Variants in SNAP47 observed in about 807,000 individuals in gnomAD.
SNAP47 encodes synaptosome associated protein 47, also known as synaptosomal-associated protein 47.
A neutral mutation model predicts 31.4 loss-of-function variants in SNAP47; 20 were observed. The observed-to-expected ratio is 0.64, with a 90% CI of 0.45 to 0.93. The LOEUF (loss-of-function observed/expected upper bound fraction) is 0.93, where lower values mean the gene tolerates loss of function less well. Ranked by LOEUF, SNAP47 falls within the 40% of genes least tolerant of loss-of-function variation. The pLI is 0.00. For synonymous variants in SNAP47, 194 were observed against 213.4 expected, an observed-to-expected ratio of 0.91 and a Z score of 0.79; for missense variants, 492 against 528.5, an observed-to-expected ratio of 0.93 and a Z score of 0.68.
intron 3 of SNAP47, 196 bp downstream of exon 3, chr1:227,759,681 T>A: frequency 1.5e-6 from 1 of 661,730 alleles, no homozygotes; most frequent in Non-Finnish European, 2.5e-6. Context: ...TCTGTGAATC[T>A]GAAATCACTG....
At chr1:227,732,861 T>A, upstream of SNAP47, 1 of 1,611,906 alleles carries the variant, frequency 6.2e-7, no homozygotes, top group Non-Finnish European at 8.5e-7. Flanking sequence ...GAGGGTAGCC[T>A]CCATGCGTAG....
At chr1:227,744,005 C>T (rs1661791244) in intron 1 of SNAP47, 1 of 152,210 alleles carries the variant, frequency 6.6e-6, no homozygotes, top group Admixed American at 6.5e-5. Context: ...GCCGAGGTCC[C>T]TGGTGTGAAG....
chr1:227,732,921 TCGCTGACCTCCTCCTGCACG>T, upstream of SNAP47: 5 of 1,613,014 alleles, frequency 3.1e-6, no homozygotes, highest in Non-Finnish European at 4.2e-6. Context: ...GTCCCTCCAC[TCGCTGACCTCCTCCTGCACG>T]GCGCATAGCT....
At position 227,759,621 on chromosome 1, in the gene SNAP47, G is replaced by T. The variant is rs1055572654; in HGVS notation, c.988+136G>T. 2.0e-5 allele frequency: 23 copies of T among 1,177,454 alleles called. 1 individual carries two copies. The African/African-American group carries it at 2.9e-4, about 15-fold the overall frequency. 72.9% of individuals were successfully genotyped at this position (1,177,454 alleles called of 1,614,324 possible). On this transcript the variant is annotated intron_variant, in intron 3 of 4. Coordinates refer to ENST00000617596, the MANE Select transcript of SNAP47 (RefSeq NM_053052.4). Reference sequence around the variant, plus strand: ...GCCTCCAGCTTGCTAGAGACAGCTCGTTTGTTTATACATAAAAACAATTCC... The same window carrying T: ...GCCTCCAGCTTGCTAGAGACAGCTCTTTTGTTTATACATAAAAACAATTCC...
At chr1:227,732,104 G>A (rs551397670), upstream of SNAP47, 142 of 523,126 alleles carry the variant, frequency 2.7e-4, no homozygotes, top group African/African-American at 2.0e-3. Context: ...CAGCTCAGGC[G>A]TCCTGGCCTA....
intron 4 of SNAP47, among the ~76,000 whole-genome samples, chr1:227,771,890 A>G (rs914727248): frequency 5.9e-5 from 9 of 152,084 alleles, no homozygotes; most frequent in Admixed American, 3.3e-4. Flanking sequence ...TACCGGTGCA[A>G]AGGGCCTGGC....
intron 2 of SNAP47, among the ~76,000 whole-genome samples, chr1:227,756,609 G>T (rs779977262): frequency 2.6e-5 from 4 of 152,240 alleles, no homozygotes; most frequent in Non-Finnish European, 4.4e-5. Flanking sequence ...CGATGGTGGT[G>T]GCTCTGCCCA....
chr1:227,751,743 G>GTTTTTTTT (rs1480767642), intron 2 of SNAP47, among the ~76,000 whole-genome samples: 1 of 110,528 alleles, frequency 9.0e-6, no homozygotes, highest in Non-Finnish European at 1.9e-5. Flanking sequence ...ATAAAGACTT[G>GTTTTTTTT]GTTTTTTTTT....
In SNAP47 at chr1:227,748,000, TGTG is replaced by T; in HGVS notation, c.267_269del (p.Val90del). On this transcript the variant is annotated inframe_deletion, in exon 2 of 5. Transcript: ENST00000617596. ...TCAGCTCCCTGCGGCCAAGTCGAAA[TGTG>T]GTCTTCAGCATCATCGAGCATTTCT... is the stretch of plus-strand genomic sequence containing the variant. The T allele has an allele frequency of 6.2e-7, 1 of 1,614,172 alleles. No individual in the cohort carries two copies. Among genetic ancestry groups the T allele is most frequent in the Non-Finnish European group, 8.5e-7 (1 of 1,180,020 alleles).
intron 2 of SNAP47, among the ~76,000 whole-genome samples, chr1:227,756,296 G>T (rs971328628): frequency 9.9e-5 from 15 of 152,220 alleles, no homozygotes; most frequent in Non-Finnish European, 1.5e-4. Context: ...TGAGCAGTGC[G>T]TCTCTCATCT....
chr1:227,735,345 G>A, upstream of SNAP47: 1 of 1,596,820 alleles, frequency 6.3e-7, no homozygotes, highest in African/African-American at 1.3e-5. Flanking sequence ...ACCAGCCTCG[G>A]AACCAGAAGA....
At chr1:227,766,595 C>T (rs1222055388) in intron 3 of SNAP47, among the ~76,000 whole-genome samples, 1 of 152,248 alleles carries the variant, frequency 6.6e-6, no homozygotes, top group Admixed American at 6.5e-5. Context: ...TGCAGAGTAG[C>T]TCAGATGTCG....
intron 1 of SNAP47, among the ~76,000 whole-genome samples, chr1:227,739,361 A>G (rs577080193): frequency 3.9e-5 from 6 of 152,298 alleles, no homozygotes; most frequent in Admixed American, 1.3e-4. Flanking sequence ...GAGAAAATGC[A>G]GTACGCTTTG....
chr1:227,779,054 C>G (rs748948803), intron 4 of SNAP47, among the ~76,000 whole-genome samples: 2 of 152,234 alleles, frequency 1.3e-5, no homozygotes, highest in African/African-American at 2.4e-5. Context: ...TGCAGAGGGG[C>G]TGGGCAGCTG....
At chr1:227,771,349 A>G (rs1314622134) in intron 4 of SNAP47, among the ~76,000 whole-genome samples, 1 of 152,172 alleles carries the variant, frequency 6.6e-6, no homozygotes, top group East Asian at 1.9e-4. Flanking sequence ...CCTATTACTC[A>G]TGCCCCTGAC....
At chr1:227,734,978 C>T (rs775044467), upstream of SNAP47, 10 of 1,507,320 alleles carry the variant, frequency 6.6e-6, no homozygotes, top group Non-Finnish European at 8.0e-6. Context: ...GCCGGCCTTT[C>T]CTCCCCGCCC....
At position 227,735,444 on chromosome 1, in the gene SNAP47, G is replaced by C; in HGVS notation, c.-101G>C. 6.9e-7 allele frequency: 1 copy of C among 1,457,032 alleles called. No homozygotes were observed. The highest frequency in any genetic ancestry group is 9.0e-7 in the Non-Finnish European group (1 of 1,116,212). 90.3% of individuals were successfully genotyped at this position (1,457,032 alleles called of 1,614,324 possible). On this transcript the variant is annotated 5_prime_UTR_variant, in exon 1 of 5. Transcript: ENST00000617596. ...GCTCGCCGCGGTCTTCACTGCGCAGGCGCCGAGCGGCCGAGGCGCCGCGGT... is the reference window on the plus strand; with the variant it reads ...GCTCGCCGCGGTCTTCACTGCGCAGCCGCCGAGCGGCCGAGGCGCCGCGGT...
intron 2 of SNAP47, among the ~76,000 whole-genome samples, chr1:227,754,593 T>G (rs773237925): frequency 2.0e-5 from 3 of 152,156 alleles, no homozygotes; most frequent in Non-Finnish European, 4.4e-5. Context: ...TTGAGGAGCC[T>G]CCATGCTGTT....
chr1:227,736,689 T>G (rs922881585), intron 1 of SNAP47, among the ~76,000 whole-genome samples: 4 of 141,408 alleles, frequency 2.8e-5, no homozygotes, highest in African/African-American at 5.3e-5. Flanking sequence ...TGTTTTTGTT[T>G]TTTTTTTTTT....
Sources: allele counts gnomAD v4.1 joint callset (sites outside exome capture counted in the v4.1 genomes callset), GRCh38; gene constraint gnomAD v4.1.1; transcripts MANE v1.5; gene names NCBI Gene and HGNC (gene_info 2026-07-23, HGNC 2026-07-21).